Variants in DLGAP2 observed in about 807,000 individuals in gnomAD.
The protein encoded by DLGAP2 is disks large-associated protein 2.
In DLGAP2, 26 loss-of-function variants were observed where a neutral mutation model predicts 100.3. The observed-to-expected ratio is 0.26, with a 90% CI of 0.19 to 0.36. DLGAP2 has a LOEUF of 0.36. Ranked by LOEUF, DLGAP2 falls within the 10% of genes least tolerant of loss-of-function variation. The pLI, the probability that DLGAP2 is intolerant of heterozygous loss-of-function variation, is 1.00. For synonymous variants in DLGAP2, 886 were observed against 630.1 expected, an observed-to-expected ratio of 1.41 and a Z score of -6.08; for missense variants, 1,858 against 1,453.2, an observed-to-expected ratio of 1.28 and a Z score of -4.53.
At chr8:1,617,983 C>G (rs1470060242) in intron 6 of DLGAP2, among the ~76,000 whole-genome samples, 2 of 152,184 alleles carry the variant, frequency 1.3e-5, no homozygotes, top group Non-Finnish European at 2.9e-5. Flanking sequence ...AGTTCTAACC[C>G]TGGGGAAAAA....
chr8:1,656,304 T>A (rs1228615456), intron 8 of DLGAP2, among the ~76,000 whole-genome samples: 2 of 151,440 alleles, frequency 1.3e-5, no homozygotes, highest in Non-Finnish European at 2.9e-5. Context: ...GGCAAGACTC[T>A]GTCTCAAAAA....
At chr8:1,677,793 C>T (rs576112096) in intron 11 of DLGAP2, among the ~76,000 whole-genome samples, 28 of 152,290 alleles carry the variant, frequency 1.8e-4, no homozygotes, top group African/African-American at 6.7e-4. Flanking sequence ...GGCTCAGGCC[C>T]TGAAACACAA....
chr8:1,132,993 G>C (rs998664734), intron 2 of DLGAP2, among the ~76,000 whole-genome samples: 1 of 152,180 alleles, frequency 6.6e-6, no homozygotes, highest in African/African-American at 2.4e-5. Context: ...GGCAATCCTT[G>C]AAGTTGTGTC....
chr8:1,010,827 C>A (rs558948914), intron 2 of DLGAP2, among the ~76,000 whole-genome samples: 1 of 152,348 alleles, frequency 6.6e-6, no homozygotes, highest in East Asian at 1.9e-4. Context: ...CCCCAGGGAG[C>A]ATCACGGGGC....
intron 9 of DLGAP2, 138 bp from the exon 10 acceptor site, chr8:1,669,605 G>A (rs2130840649): frequency 1.4e-6 from 1 of 696,202 alleles, no homozygotes; most frequent in Non-Finnish European, 2.6e-6. Flanking sequence ...CAGGGAGGAG[G>A]GTGAGTGGAG....
At chr8:1,418,016 C>T (rs1457060910) in intron 3 of DLGAP2, among the ~76,000 whole-genome samples, 3 of 152,138 alleles carry the variant, frequency 2.0e-5, no homozygotes, top group Non-Finnish European at 2.9e-5. Flanking sequence ...GCTCTACAGT[C>T]CCGTTCTGGA....
At position 930,003 on chromosome 8, in the gene DLGAP2, G is replaced by A. The variant is rs376801015; in HGVS notation, c.73+22037G>A. Among the ~76,000 whole-genome samples, 6 of 152,040 alleles carry A rather than the reference G, an allele frequency of 3.9e-5. No homozygotes were observed. The East Asian group carries it at 1.2e-3, about 30-fold the overall frequency. On this transcript the variant is annotated intron_variant, in intron 2 of 14. Coordinates refer to ENST00000637795, the MANE Select transcript of DLGAP2 (RefSeq NM_001346810.2). Reference sequence around the variant, plus strand: ...CTAATTTTCTGTGTTGTGTCTCTGGGAGGAGTGAGTTGGTGCACCTGCTCA... The same window carrying A: ...CTAATTTTCTGTGTTGTGTCTCTGGAAGGAGTGAGTTGGTGCACCTGCTCA...
At chr8:1,492,165 C>G (rs999774173) in intron 3 of DLGAP2, among the ~76,000 whole-genome samples, 4 of 152,088 alleles carry the variant, frequency 2.6e-5, no homozygotes, top group African/African-American at 9.7e-5. Context: ...ATCCTCGGTC[C>G]AAAATAAAAT....
chr8:1,053,425 C>G (rs1475183475), intron 2 of DLGAP2, among the ~76,000 whole-genome samples: 1 of 152,160 alleles, frequency 6.6e-6, no homozygotes, highest in Non-Finnish European at 1.5e-5. Context: ...TTGATCTCCA[C>G]AGAGAAGGAA....
intron 2 of DLGAP2, among the ~76,000 whole-genome samples, chr8:1,025,747 G>A (rs922433917): frequency 1.3e-5 from 2 of 152,162 alleles, no homozygotes; most frequent in African/African-American, 4.8e-5. Context: ...GACAGGGGAG[G>A]CAGGGAGGGA....
chr8:1,504,898 G>A (rs59213318), intron 4 of DLGAP2, among the ~76,000 whole-genome samples: 2,874 of 152,170 alleles, frequency 0.019, 109 homozygotes, highest in African/African-American at 0.066. Flanking sequence ...CCCAGAAGTG[G>A]GATTCCTGGA....
chr8:931,819 A>AT (rs1162238013), intron 2 of DLGAP2, among the ~76,000 whole-genome samples: 1 of 151,988 alleles, frequency 6.6e-6, no homozygotes, highest in Admixed American at 6.6e-5. Context: ...CTTGATCTTC[A>AT]TTTTTTGGAC....
chr8:1,526,324 C>T (rs545679616), intron 4 of DLGAP2, among the ~76,000 whole-genome samples: 10 of 152,032 alleles, frequency 6.6e-5, no homozygotes, highest in South Asian at 2.1e-4. Flanking sequence ...CTTACCTGCA[C>T]GCCTACCGGC....
At chr8:1,171,669 G>C (rs190100810) in intron 2 of DLGAP2, among the ~76,000 whole-genome samples, 44 of 152,158 alleles carry the variant, frequency 2.9e-4, no homozygotes, top group Admixed American at 5.2e-4. Context: ...ATCTTTGTTG[G>C]TTTAAAATCT....
At chr8:1,338,632 A>G (rs187940874) in intron 3 of DLGAP2, among the ~76,000 whole-genome samples, 1 of 152,380 alleles carries the variant, frequency 6.6e-6, no homozygotes, top group African/African-American at 2.4e-5. Flanking sequence ...TTATATCTTA[A>G]TTATGTCTTT....
At chr8:749,526 A>G (rs1820739226) in intron 1 of DLGAP2, among the ~76,000 whole-genome samples, 1 of 152,040 alleles carries the variant, frequency 6.6e-6, no homozygotes, top group African/African-American at 2.4e-5. Context: ...TTTATAAGTT[A>G]ATTTTCATCG....
At chr8:1,202,044 A>G (rs1410516986) in intron 2 of DLGAP2, among the ~76,000 whole-genome samples, 3 of 115,784 alleles carry the variant, frequency 2.6e-5, no homozygotes, top group Non-Finnish European at 3.7e-5. Flanking sequence ...CATGTGCAGT[A>G]TCTATCTGTG....
intron 1 of DLGAP2, among the ~76,000 whole-genome samples, chr8:865,107 AC>A (rs894950772): frequency 5.3e-5 from 8 of 152,036 alleles, no homozygotes; most frequent in Admixed American, 5.2e-4. Context: ...TCCCTGTAGG[AC>A]CCCCAGGGAA....
chr8:1,602,499 G>A (rs999092392), intron 6 of DLGAP2, among the ~76,000 whole-genome samples: 18 of 152,226 alleles, frequency 1.2e-4, no homozygotes, highest in African/African-American at 3.9e-4. Context: ...GCTAGCCAGG[G>A]CTGGAGGCCC....
Sources: allele counts gnomAD v4.1 joint callset (sites outside exome capture counted in the v4.1 genomes callset), GRCh38; gene constraint gnomAD v4.1.1; transcripts MANE v1.5; gene names NCBI Gene and HGNC (gene_info 2026-07-23, HGNC 2026-07-21).